The following C2CD5 variants were observed in gnomAD, a reference collection of about 807,000 sequenced individuals.
C2CD5 encodes C2 domain-containing protein 5.
Under a neutral mutation model 130.3 loss-of-function variants are expected in C2CD5, and 109 were observed. That is an observed-to-expected ratio of 0.84 (90% CI 0.72 to 0.98). C2CD5 has a LOEUF of 0.98. C2CD5 is among the 50% of genes least tolerant of loss of function. The pLI is 0.00. For missense variants in C2CD5, 996 were observed against 1,261.8 expected, an observed-to-expected ratio of 0.79 and a Z score of 3.19; for synonymous variants, 454 against 429.2, an observed-to-expected ratio of 1.06 and a Z score of -0.71.
chr12:22,530,109 T>TATATATATATATATATATAC (rs1555205909), intron 3 of C2CD5, among the ~76,000 whole-genome samples: 1 of 106,700 alleles, frequency 9.4e-6, no homozygotes, highest in Non-Finnish European at 1.8e-5. Flanking sequence ...TATATATATA[T>TATATATATATATATATATAC]ATACACACAC....
At chr12:22,483,019 T>C (rs1298723989) in intron 13 of C2CD5, among the ~76,000 whole-genome samples, 1 of 152,126 alleles carries the variant, frequency 6.6e-6, no homozygotes, top group Admixed American at 6.5e-5. Context: ...TTGTACAAGT[T>C]AAAATAACTA....
intron 12 of C2CD5, 62 bp downstream of exon 12, chr12:22,490,060 GA>G: frequency 2.4e-6 from 3 of 1,226,494 alleles, no homozygotes; most frequent in Non-Finnish European, 3.6e-6. Context: ...CCAACTCTCA[GA>G]AAAAAAGTCG....
At chr12:22,531,498 A>AT (rs1208630890) in intron 3 of C2CD5, among the ~76,000 whole-genome samples, 1 of 152,046 alleles carries the variant, frequency 6.6e-6, no homozygotes, top group Admixed American at 6.6e-5. Context: ...TGTCCAACTG[A>AT]TTTTTTTTAA....
intron 3 of C2CD5, chr12:22,535,052 T>C (rs1040183458): frequency 4.2e-5 from 18 of 427,858 alleles, no homozygotes; most frequent in African/African-American, 3.7e-4. Flanking sequence ...TGAAGACTTC[T>C]TTTGTTAATG....
At chr12:22,458,755 C>T in intron 23 of C2CD5, 170 bp from the exon 24 acceptor site, 1 of 358,364 alleles carries the variant, frequency 2.8e-6, no homozygotes, top group Non-Finnish European at 5.0e-6. Flanking sequence ...GCTTTAGACA[C>T]TGATTTGTCC....
At chr12:22,523,099 A>G (rs933476341) in intron 7 of C2CD5, among the ~76,000 whole-genome samples, 2 of 152,058 alleles carry the variant, frequency 1.3e-5, no homozygotes, top group Admixed American at 1.3e-4. Context: ...CTGTAGTCCC[A>G]GCTACTCAGG....
intron 26 of C2CD5, among the ~76,000 whole-genome samples, chr12:22,452,386 T>A (rs1434478220): frequency 6.6e-6 from 1 of 152,132 alleles, no homozygotes; most frequent in Admixed American, 6.6e-5. Context: ...TTTCTCACTG[T>A]TCCTTTCTCA....
chr12:22,494,554 G>A (rs1946774005), intron 10 of C2CD5, among the ~76,000 whole-genome samples: 3 of 152,038 alleles, frequency 2.0e-5, no homozygotes, highest in South Asian at 4.1e-4. Flanking sequence ...ATCAGCAAAA[G>A]GGAGAAATAA....
rs980627239 is a variant in C2CD5 at position 22,544,254 on chromosome 12, G to A, written c.-30+66C>T. ...AGGGGCGGAGGCGCGCGGGGTAACT[G>A]ACAGCGAAGGAGCGCGCGGGGGCGC... On this transcript the variant is annotated intron_variant, in intron 1 of 26. Coordinates refer to ENST00000446597, the MANE Select transcript of C2CD5 (RefSeq NM_001286176.2). 13 of 1,141,094 alleles carry A rather than the reference G, an allele frequency of 1.1e-5. No individual in the cohort carries two copies. In the African/African-American group the frequency reaches 1.1e-4, roughly 10 times the overall value. 70.7% of individuals were successfully genotyped at this position (1,141,094 alleles called of 1,614,324 possible).
chr12:22,479,815 T>C (rs867450024), intron 14 of C2CD5, among the ~76,000 whole-genome samples: 9 of 152,160 alleles, frequency 5.9e-5, no homozygotes, highest in Non-Finnish European at 1.0e-4. Flanking sequence ...TGAGCACTTA[T>C]GTGTAAATAT....
chr12:22,450,716 C>A (rs1489355731), intron 26 of C2CD5, among the ~76,000 whole-genome samples: 2 of 152,078 alleles, frequency 1.3e-5, no homozygotes, highest in Non-Finnish European at 2.9e-5. Flanking sequence ...ATTTTCCCTA[C>A]AGAGATGCTC....
At position 22,524,546 on chromosome 12, in the gene C2CD5, T is replaced by TA; in HGVS notation, c.526dup (p.Tyr176LeufsTer5). 3 of 1,613,810 alleles carry TA rather than the reference T, an allele frequency of 1.9e-6. No homozygotes were observed. The highest frequency in any genetic ancestry group is 2.5e-6 in the Non-Finnish European group (3 of 1,179,696). On this transcript the variant is annotated frameshift_variant, in exon 6 of 27. Coordinates refer to ENST00000446597, the MANE Select transcript of C2CD5 (RefSeq NM_001286176.2). LOFTEE classifies it high-confidence loss of function. ...TGTGCGAATTCGATCAATCCACTGA[T>TA]ATTCTGGGTCTTCATTGACCACAAG... is the stretch of plus-strand genomic sequence containing the variant.
chr12:22,512,699 TA>T (rs200568343), intron 9 of C2CD5: 136,203 of 1,055,024 alleles, frequency 0.13, 1 homozygote, highest in East Asian at 0.17. Flanking sequence ...GAAGTTTATT[TA>T]AAAAAAAAAA....
chr12:22,467,113 G>A lies in C2CD5; in HGVS notation c.2533+2596C>T, dbSNP rs545815763. Reference sequence around the variant, plus strand: ...TCTGACAAACCTCTATGGTTCAGAGGAGCAGAATTTAAAATTAAAATTATT... The same window carrying A: ...TCTGACAAACCTCTATGGTTCAGAGAAGCAGAATTTAAAATTAAAATTATT... On this transcript the variant is annotated intron_variant, in intron 22 of 26. Coordinates refer to ENST00000446597, the MANE Select transcript of C2CD5 (RefSeq NM_001286176.2). Among the ~76,000 whole-genome samples, 4 of 152,312 alleles carry A rather than the reference G, an allele frequency of 2.6e-5. No homozygotes were observed. In the South Asian group the frequency reaches 6.2e-4, roughly 24 times the overall value.
chr12:22,463,296 C>A (rs577658345), intron 22 of C2CD5: 1 of 152,186 alleles, frequency 6.6e-6, no homozygotes, highest in South Asian at 2.1e-4. Flanking sequence ...GAGGCTGAGG[C>A]TGGAGAATCA....
At chr12:22,456,659 T>C (rs1285308649) in intron 25 of C2CD5, among the ~76,000 whole-genome samples, 1 of 152,158 alleles carries the variant, frequency 6.6e-6, no homozygotes, top group Non-Finnish European at 1.5e-5. Flanking sequence ...CTGTCAAAAA[T>C]TGCTAAATTA....
At chr12:22,493,495 T>TTAA (rs1166382687) in intron 10 of C2CD5, among the ~76,000 whole-genome samples, 158 bp from the exon 11 acceptor site, 8 of 152,264 alleles carry the variant, frequency 5.3e-5, no homozygotes, top group Non-Finnish European at 1.2e-4. Flanking sequence ...TCAAAAGGCA[T>TTAA]AAGATTTAAC....
At chr12:22,512,662 C>T in intron 9 of C2CD5, 1 of 1,494,056 alleles carries the variant, frequency 6.7e-7, no homozygotes, top group South Asian at 1.3e-5. Flanking sequence ...TTCTACAGAA[C>T]CTATGAGGCG....
At chr12:22,542,443 A>G (rs1371047849) in intron 2 of C2CD5, among the ~76,000 whole-genome samples, 1 of 152,222 alleles carries the variant, frequency 6.6e-6, no homozygotes, top group Non-Finnish European at 1.5e-5. Context: ...CCTCATCCCT[A>G]ACAAGCTCCA....
Sources: gnomAD v4.1 joint callset for allele counts (sites outside exome capture counted in the v4.1 genomes callset) on GRCh38, gnomAD v4.1.1 for gene constraint, MANE v1.5 for transcripts, NCBI Gene and HGNC (gene_info 2026-07-23, HGNC 2026-07-21) for gene names.